The following IPO11 variants were observed in gnomAD, a reference collection of about 807,000 sequenced individuals.
IPO11 encodes the protein importin-11.
A neutral mutation model predicts 143.2 loss-of-function variants in IPO11; 66 were observed. The observed-to-expected ratio is 0.46, with a 90% CI of 0.38 to 0.57. IPO11 has a LOEUF of 0.57. IPO11 is among the 20% of genes least tolerant of loss of function. IPO11 has a pLI of 0.00. For missense variants in IPO11, 1,026 were observed against 1,141.0 expected (o/e 0.90, Z 1.45); for synonymous variants, 385 against 377.8 (o/e 1.02, Z -0.22).
At chr5:62,581,488 A>G (rs1320209296) in intron 27 of IPO11, 2 of 546,854 alleles carry the variant, frequency 3.7e-6, no homozygotes. Flanking sequence ...TTTCTTTGAT[A>G]TATACTGTAT....
At chr5:62,568,667 A>C (rs965719788) in intron 27 of IPO11, among the ~76,000 whole-genome samples, 16 of 149,564 alleles carry the variant, frequency 1.1e-4, no homozygotes, top group African/African-American at 3.9e-4. Flanking sequence ...AAATTTGTTG[A>C]GCTTCCTCAA....
chr5:62,453,152 G>C (rs768011250), intron 5 of IPO11, among the ~76,000 whole-genome samples: 3 of 151,000 alleles, frequency 2.0e-5, no homozygotes, highest in Non-Finnish European at 4.4e-5. Flanking sequence ...TTTGTAGAAA[G>C]ATTTTTCTTC....
intron 3 of IPO11, among the ~76,000 whole-genome samples, chr5:62,445,835 C>T (rs895315804): frequency 1.3e-5 from 2 of 152,048 alleles, no homozygotes; most frequent in African/African-American, 2.4e-5. Flanking sequence ...GTAACCCCAT[C>T]GTAAGTCAGT....
chr5:62,511,297 T>A (rs1741740208), intron 19 of IPO11, among the ~76,000 whole-genome samples: 1 of 152,174 alleles, frequency 6.6e-6, no homozygotes, highest in African/African-American at 2.4e-5. Context: ...TATTTTTAGT[T>A]GAGTATGAAT....
In IPO11 at chr5:62,526,258, G is replaced by A; in HGVS notation, c.2012+1G>A. 1 of 1,593,452 alleles carries A rather than the reference G, an allele frequency of 6.3e-7. No homozygotes were observed. The highest frequency in any genetic ancestry group is 8.6e-7 in the Non-Finnish European group (1 of 1,161,612). ...TTCTGGAAGATGGTTTAGAATTATG[G>A]TAAGAGGAAAAACTTAATACCATGG... On this transcript the variant is annotated splice_donor_variant, in intron 21 of 29. Coordinates refer to ENST00000325324, the MANE Select transcript of IPO11 (RefSeq NM_016338.5). LOFTEE classifies it high-confidence loss of function.
In IPO11 at chr5:62,483,099, A is replaced by T. The variant is rs760697610; in HGVS notation, c.829-2A>T. On this transcript the variant is annotated splice_acceptor_variant, in intron 9 of 29. Transcript: ENST00000325324. LOFTEE classifies it high-confidence loss of function. ...AATTTTTATTTATTTATTTTTCTAC[A>T]GCTTTTGGACTTCTTGGATCAGCAT... 6.5e-7 allele frequency: 1 copy of T among 1,544,838 alleles called. No individual in the cohort carries two copies. Among genetic ancestry groups the T allele is most frequent in the South Asian group, 1.2e-5 (1 of 83,600 alleles).
intron 26 of IPO11, among the ~76,000 whole-genome samples, chr5:62,555,259 A>AT (rs1272351203): frequency 1.4e-5 from 2 of 147,810 alleles, no homozygotes; most frequent in Non-Finnish European, 3.0e-5. Flanking sequence ...TTTTTTTTGT[A>AT]TTTTTTGTAT....
rs570961350 is a variant in IPO11 at position 62,554,590 on chromosome 5, G to A, written c.2460+3254G>A. Among the ~76,000 whole-genome samples, 10 of 152,134 alleles carry A rather than the reference G, an allele frequency of 6.6e-5. No individual in the cohort carries two copies. In the South Asian group the frequency reaches 1.2e-3, roughly 19 times the overall value. On this transcript the variant is annotated intron_variant, in intron 26 of 29. Transcript: ENST00000325324. ...TTTCTTAAATCAGTTGGCTGTAAAT[G>A]TATGGATTTATTTCTGGGTTCTCTG...
At chr5:62,493,662 G>T (rs932009675) in intron 15 of IPO11, among the ~76,000 whole-genome samples, 3 of 151,806 alleles carry the variant, frequency 2.0e-5, no homozygotes, top group African/African-American at 7.3e-5. Context: ...CTGTCTCTTG[G>T]GTTTCAAGGG....
intron 1 of IPO11, among the ~76,000 whole-genome samples, chr5:62,429,901 G>A (rs997539840): frequency 6.6e-6 from 1 of 152,120 alleles, no homozygotes; most frequent in African/African-American, 2.4e-5. Context: ...GGGATTACAG[G>A]AATGAGCCAC....
At chr5:62,436,006 A>C (rs2112129067) in intron 1 of IPO11, among the ~76,000 whole-genome samples, 1 of 152,334 alleles carries the variant, frequency 6.6e-6, no homozygotes, top group East Asian at 1.9e-4. Context: ...TGGGTGACAG[A>C]GTGAGACTCT....
At chr5:62,459,097 T>TC (rs1385460023) in intron 5 of IPO11, among the ~76,000 whole-genome samples, 3 of 150,426 alleles carry the variant, frequency 2.0e-5, no homozygotes, top group African/African-American at 7.3e-5. Flanking sequence ...GTTTTACTCT[T>TC]TTTTTTTTGT....
chr5:62,465,360 A>G (rs1173791075), intron 5 of IPO11, among the ~76,000 whole-genome samples: 1 of 152,220 alleles, frequency 6.6e-6, no homozygotes, highest in Non-Finnish European at 1.5e-5. Context: ...AGGACTTACT[A>G]AGAAAAATAC....
chr5:62,545,977 G>A (rs1009207271), intron 24 of IPO11, among the ~76,000 whole-genome samples: 25 of 152,288 alleles, frequency 1.6e-4, no homozygotes, highest in Admixed American at 7.2e-4. Context: ...TGGAGAAATA[G>A]GAACACTTTT....
chr5:62,492,871 G>A (rs1353423419), intron 15 of IPO11, among the ~76,000 whole-genome samples: 2 of 151,692 alleles, frequency 1.3e-5, no homozygotes, highest in Non-Finnish European at 2.9e-5. Flanking sequence ...GTTTTTTCCT[G>A]TGTGCTTGAT....
intron 1 of IPO11, among the ~76,000 whole-genome samples, chr5:62,425,246 G>C (rs764718813): frequency 4.6e-5 from 7 of 152,096 alleles, no homozygotes; most frequent in Non-Finnish European, 1.0e-4. Context: ...ACCCTCCTTG[G>C]GGGGAAAGGA....
chr5:62,444,362 G>A (rs750350803), intron 3 of IPO11, among the ~76,000 whole-genome samples: 15 of 152,004 alleles, frequency 9.9e-5, no homozygotes, highest in Admixed American at 7.2e-4. Context: ...AAAGTGCTGG[G>A]ATTGCAGGTG....
chr5:62,481,097 T>G (rs534496304), intron 9 of IPO11, among the ~76,000 whole-genome samples: 1 of 151,834 alleles, frequency 6.6e-6, no homozygotes, highest in Non-Finnish European at 1.5e-5. Flanking sequence ...TTTTTGTATT[T>G]TTAGTAGAGA....
intron 1 of IPO11, among the ~76,000 whole-genome samples, chr5:62,425,420 C>A (rs992374532): frequency 6.6e-5 from 10 of 152,114 alleles, no homozygotes; most frequent in Non-Finnish European, 1.5e-4. Context: ...TGGGTTCAGG[C>A]GATTCTCCTG....
Sources: allele counts gnomAD v4.1 joint callset (sites outside exome capture counted in the v4.1 genomes callset), GRCh38; gene constraint gnomAD v4.1.1; transcripts MANE v1.5; gene names NCBI Gene and HGNC (gene_info 2026-07-23, HGNC 2026-07-21).